Variants in SEMA6D observed in about 807,000 individuals in gnomAD.
The protein encoded by SEMA6D is semaphorin-6D.
Under a neutral mutation model 106.6 loss-of-function variants are expected in SEMA6D, and 35 were observed. That is an observed-to-expected ratio of 0.33 (90% CI 0.25 to 0.44). The LOEUF is 0.44. Among genes scored for constraint, SEMA6D ranks in the 20% least tolerant of loss-of-function variants. The pLI is 1.00. For synonymous variants in SEMA6D, 499 were observed against 487.7 expected, an observed-to-expected ratio of 1.02 and a Z score of -0.31; for missense variants, 1,185 against 1,345.9, an observed-to-expected ratio of 0.88 and a Z score of 1.87.
intron 1 of SEMA6D, among the ~76,000 whole-genome samples, chr15:47,743,607 C>T (rs2080946975): frequency 6.6e-6 from 1 of 151,990 alleles, no homozygotes; most frequent in South Asian, 2.1e-4. Flanking sequence ...ATTTTCATGG[C>T]CGGAGAAGGA....
chr15:47,375,117 G>A lies in SEMA6D; in HGVS notation c.-238-37276G>A, dbSNP rs537384290. 1.4e-3 allele frequency among the ~76,000 whole-genome samples: 216 copies of A among 152,270 alleles called. 1 individual carries two copies. The highest frequency in any genetic ancestry group is 1.6e-3 in the Non-Finnish European group (112 of 68,034). On this transcript the variant is annotated intron_variant, in intron 1 of 19. Coordinates refer to the SEMA6D transcript ENST00000558014. ...GACATGTCTGAAAAGCTGACTAGCC[G>A]TGCTAGGGAGTCTAACATTTAAGAG...
At chr15:47,210,412 A>T (rs960126436) in intron 1 of SEMA6D, among the ~76,000 whole-genome samples, 4 of 152,014 alleles carry the variant, frequency 2.6e-5, no homozygotes, top group African/African-American at 9.7e-5. Flanking sequence ...TGGCCATGTG[A>T]TATTTCTTTG....
chr15:47,766,019 T>C lies in SEMA6D; in HGVS notation c.1568+10T>C. 1 of 1,603,676 alleles carries C rather than the reference T, an allele frequency of 6.2e-7. No homozygotes were observed. Among genetic ancestry groups the C allele is most frequent in the East Asian group, 2.2e-5 (1 of 44,714 alleles). On this transcript the variant is annotated intron_variant, in intron 14 of 18. Transcript: ENST00000536845. ...ATGGATCATGTAAAAAGTAAGCTCGTGTTTCTTTACTTACCCTGGGTCTTG... is the reference window on the plus strand; with the variant it reads ...ATGGATCATGTAAAAAGTAAGCTCGCGTTTCTTTACTTACCCTGGGTCTTG...
chr15:47,224,189 T>G (rs991239058), intron 1 of SEMA6D, among the ~76,000 whole-genome samples: 1 of 151,556 alleles, frequency 6.6e-6, no homozygotes, highest in African/African-American at 2.4e-5. Context: ...AAAATAAAAT[T>G]AAATTTAAAA....
intron 11 of SEMA6D, 140 bp downstream of exon 11, chr15:47,764,445 C>T: frequency 7.9e-7 from 1 of 1,270,680 alleles, no homozygotes; most frequent in Non-Finnish European, 1.1e-6. Flanking sequence ...CAGACATAGC[C>T]TTGTGACCTG....
intron 1 of SEMA6D, among the ~76,000 whole-genome samples, chr15:47,394,742 G>A (rs972127129): frequency 1.3e-5 from 2 of 152,064 alleles, no homozygotes; most frequent in Admixed American, 1.3e-4. Flanking sequence ...ATCAACAAGT[G>A]GTAAATCTCC....
chr15:47,622,201 C>CAAAA (rs199839582), intron 4 of SEMA6D, among the ~76,000 whole-genome samples: 3 of 62,794 alleles, frequency 4.8e-5, no homozygotes, highest in African/African-American at 1.0e-4. Flanking sequence ...GAAACCCAGC[C>CAAAA]AAAAAAAAAA....
At chr15:47,527,915 CTAT>C (rs1317579770) in intron 3 of SEMA6D, among the ~76,000 whole-genome samples, 3 of 152,114 alleles carry the variant, frequency 2.0e-5, no homozygotes, top group African/African-American at 7.2e-5. Flanking sequence ...TTCTTTGTTA[CTAT>C]TATTTTAAGG....
chr15:47,392,365 A>C (rs1567047507), intron 1 of SEMA6D, among the ~76,000 whole-genome samples: 1 of 152,176 alleles, frequency 6.6e-6, no homozygotes, highest in East Asian at 1.9e-4. Flanking sequence ...TAAATTGAGG[A>C]TCCTGAGGTA....
intron 1 of SEMA6D, among the ~76,000 whole-genome samples, chr15:47,301,793 A>G (rs2036032114): frequency 6.6e-6 from 1 of 152,238 alleles, no homozygotes; most frequent in Non-Finnish European, 1.5e-5. Context: ...GGTTTGTGCC[A>G]CAGCATACTG....
intron 3 of SEMA6D, among the ~76,000 whole-genome samples, 184 bp downstream of exon 3, chr15:47,760,599 G>A (rs1299368268): frequency 6.6e-6 from 1 of 152,030 alleles, no homozygotes; most frequent in African/African-American, 2.4e-5. Context: ...CAAGCTTTCA[G>A]CGGTGCTATT....
Position 47,751,031 on chromosome 15 carries a change from C to T in SEMA6D, c.-54-8714C>T, listed in dbSNP as rs141053940. ...AGAGTAGCCTGCCCCAGCTCTACTT[C>T]GGGGTCTCCTGGAATCTGTATATAT... is the stretch of plus-strand genomic sequence containing the variant. On this transcript the variant is annotated intron_variant, in intron 1 of 18. Coordinates refer to ENST00000536845, the MANE Select transcript of SEMA6D (RefSeq NM_001358351.3). Among the ~76,000 whole-genome samples, 87 of 152,260 alleles carry T rather than the reference C, an allele frequency of 5.7e-4. No individual in the cohort carries two copies. The East Asian group carries it at 0.011, about 19-fold the overall frequency.
At position 47,771,756 on chromosome 15, in the gene SEMA6D, G is replaced by A; in HGVS notation, c.3193G>A (p.Val1065Ile). 1.9e-6 allele frequency: 3 copies of A among 1,613,744 alleles called. No homozygotes were observed. Among genetic ancestry groups the A allele is most frequent in the Non-Finnish European group, 2.5e-6 (3 of 1,179,838 alleles). The change falls in exon 19 of 19, where the codon GTC (valine) becomes ATC (isoleucine). Residue 1065 changes from valine to isoleucine, a missense_variant. Physicochemically the swap from Val to Ile is conservative, Grantham distance 29. Around this residue, in one of 3 missense-constraint regions of SEMA6D, gnomAD observed 750 missense variants for 783.5 expected, o/e 0.96. Coordinates refer to ENST00000536845, the MANE Select transcript of SEMA6D (RefSeq NM_001358351.3). ...KPSFVPQTPS[V>I]RPLNKYTY ...TTCCTTTGTTCCTCAAACCCCATCT[G>A]TCAGACCACTGAACAAATACACATA...
At chr15:47,623,011 A>C (rs1049547160) in intron 4 of SEMA6D, among the ~76,000 whole-genome samples, 1 of 152,184 alleles carries the variant, frequency 6.6e-6, no homozygotes, top group Non-Finnish European at 1.5e-5. Flanking sequence ...CAACCAGTCC[A>C]CTACCCACTG....
chr15:47,770,370 C>T, intron 18 of SEMA6D, 127 bp from the exon 19 acceptor site: 1 of 699,242 alleles, frequency 1.4e-6, no homozygotes, highest in South Asian at 2.5e-5. Flanking sequence ...ATTTTGGAGT[C>T]TACTTGACCC....
chr15:47,242,647 T>G (rs2032982486), intron 1 of SEMA6D, among the ~76,000 whole-genome samples: 1 of 152,206 alleles, frequency 6.6e-6, no homozygotes, highest in South Asian at 2.1e-4. Context: ...GACAGTTTGC[T>G]CAGGGGGTTG....
At chr15:47,297,510 G>T (rs2035852959) in intron 1 of SEMA6D, among the ~76,000 whole-genome samples, 1 of 152,090 alleles carries the variant, frequency 6.6e-6, no homozygotes, top group South Asian at 2.1e-4. Flanking sequence ...ATGATGTTTT[G>T]CCTAAAATGG....
chr15:47,433,764 C>G (rs1424309236), intron 2 of SEMA6D, among the ~76,000 whole-genome samples: 1 of 152,012 alleles, frequency 6.6e-6, no homozygotes, highest in Non-Finnish European at 1.5e-5. Flanking sequence ...TTTGGAATTC[C>G]TGGATAACTC....
At chr15:47,523,068 T>C (rs2141960215) in intron 3 of SEMA6D, among the ~76,000 whole-genome samples, 1 of 152,238 alleles carries the variant, frequency 6.6e-6, no homozygotes, top group East Asian at 1.9e-4. Flanking sequence ...TGGTGGTAAA[T>C]ATCCGCATCC....
Sources: gnomAD v4.1 joint callset for allele counts (sites outside exome capture counted in the v4.1 genomes callset) on GRCh38, gnomAD v4.1.1 for gene constraint, gnomAD v4.1.1 regional missense constraint, MANE v1.5 for transcripts, NCBI Gene and HGNC (gene_info 2026-07-23, HGNC 2026-07-21) for gene names.